SYMPK: variants seen among roughly 807,000 people sequenced by gnomAD.
SYMPK encodes symplekin.
A neutral mutation model predicts 136.4 loss-of-function variants in SYMPK; 49 were observed. The ratio of observed to expected loss-of-function variants is 0.36; its 90% CI spans 0.29 to 0.46. SYMPK has a LOEUF of 0.46. SYMPK is among the 20% of genes least tolerant of loss of function. The pLI is 1.00. For missense variants in SYMPK, 1,365 were observed against 1,690.0 expected, an observed-to-expected ratio of 0.81 and a Z score of 3.37; for synonymous variants, 766 against 713.0, an observed-to-expected ratio of 1.07 and a Z score of -1.19.
intron 9 of SYMPK, among the ~76,000 whole-genome samples, chr19:45,840,762 G>T (rs1024341990): frequency 5.3e-5 from 8 of 151,686 alleles, no homozygotes; most frequent in African/African-American, 1.9e-4. Context: ...AGAATTGCTT[G>T]AACCCGGGAG....
intron 13 of SYMPK, among the ~76,000 whole-genome samples, chr19:45,829,666 T>A (rs528407490): frequency 6.4e-4 from 98 of 152,232 alleles, no homozygotes; most frequent in African/African-American, 2.3e-3. Flanking sequence ...CCCCATTCTT[T>A]GAAGGTAACA....
rs1971626955 is a variant in SYMPK, at chr19:45,848,825, G to A, written c.351C>T (p.Leu117=). The change falls in exon 6 of 27, where the codon CTC becomes CTT. Residue 117 remains leucine, a synonymous_variant. Coordinates refer to ENST00000245934, the MANE Select transcript of SYMPK (RefSeq NM_004819.3). ...CCACGTTCACATTCTCGTCCCTCAA[G>A]AGCATGTTGAGGTTTGCAATGAGTT... ...LLKLIANLNM[L]LRDENVNVVK... 3 of 1,614,032 alleles carry A rather than the reference G, an allele frequency of 1.9e-6. No homozygotes were observed. The highest frequency in any genetic ancestry group is 2.5e-6 in the Non-Finnish European group (3 of 1,179,996).
At chr19:45,824,952 C>CCAGGTCTAT (rs1971003258) in intron 18 of SYMPK, among the ~76,000 whole-genome samples, 1 of 152,212 alleles carries the variant, frequency 6.6e-6, no homozygotes, top group Non-Finnish European at 1.5e-5. Flanking sequence ...GAACGCGAAC[C>CCAGGTCTAT]CAGGTCTATC....
chr19:45,817,254 A>C (rs976195290), intron 23 of SYMPK: 4 of 426,218 alleles, frequency 9.4e-6, no homozygotes, highest in Non-Finnish European at 1.7e-5. Flanking sequence ...CTGCGGGAGC[A>C]CCTCTCATGA....
At chr19:45,854,279 A>G (rs1195807329) in intron 2 of SYMPK, 39 bp from the exon 3 acceptor site, 1 of 1,610,352 alleles carries the variant, frequency 6.2e-7, no homozygotes, top group Non-Finnish European at 8.5e-7. Context: ...GTGCCAGCCC[A>G]GTCCAGCCCA....
intron 20 of SYMPK, 86 bp downstream of exon 20, chr19:45,823,286 A>T (rs1970952558): frequency 7.3e-7 from 1 of 1,375,820 alleles, no homozygotes; most frequent in Admixed American, 1.7e-5. Flanking sequence ...CTCTGGCTCA[A>T]CTGCTGCTGA....
intron 16 of SYMPK, among the ~76,000 whole-genome samples, chr19:45,826,769 C>T (rs1971052125): frequency 6.6e-6 from 1 of 152,162 alleles, no homozygotes; most frequent in African/African-American, 2.4e-5. Context: ...TGGTCCTGGG[C>T]ACTCTGACCC....
intron 22 of SYMPK, chr19:45,819,108 G>C (rs1970826311): frequency 6.6e-6 from 1 of 152,124 alleles, no homozygotes; most frequent in Non-Finnish European, 1.5e-5. Context: ...GTCAGGGCCA[G>C]GTGGTCACTG....
intron 23 of SYMPK, chr19:45,817,242 T>A: frequency 2.2e-6 from 1 of 461,000 alleles, no homozygotes; most frequent in Non-Finnish European, 3.8e-6. Flanking sequence ...CCAGGCTAAG[T>A]GCTGCGGGAG....
chr19:45,830,949 T>C (rs1971154750), intron 12 of SYMPK: 1 of 135,688 alleles, frequency 7.4e-6, no homozygotes, highest in South Asian at 2.3e-4. Context: ...CTGGCTGGAT[T>C]TTGTGGTGTG....
At chr19:45,831,657 T>C (rs1971178353) in intron 11 of SYMPK, 69 bp from the exon 12 acceptor site, 6 of 1,361,026 alleles carry the variant, frequency 4.4e-6, no homozygotes, top group Non-Finnish European at 6.0e-6. Context: ...GGACCTCCTG[T>C]GTGCCTGGCT....
chr19:45,842,116 G>A, intron 9 of SYMPK, 134 bp downstream of exon 9: 2 of 1,407,288 alleles, frequency 1.4e-6, no homozygotes, highest in Non-Finnish European at 1.9e-6. Flanking sequence ...GAATACAGGT[G>A]TGAGCCACTG....
chr19:45,821,199 AG>A lies in SYMPK; in HGVS notation c.2893+184del. On this transcript the variant is annotated intron_variant, in intron 22 of 26. Transcript: ENST00000245934. This position sits in a 1 kb window ranked among gnomAD's most constrained non-coding sequence, Gnocchi z 4.4. ...GGGAGGAAGGAAGGAGGAGGGAGGG[AG>A]GGAGGGAGGGAAGAGGAGGCAAGAA... 7.3e-6 allele frequency: 2 copies of A among 275,038 alleles called. No homozygotes were observed. Among genetic ancestry groups the A allele is most frequent in the Non-Finnish European group, 6.7e-6 (1 of 149,278 alleles). 17.0% of individuals were successfully genotyped at this position (275,038 alleles called of 1,614,324 possible). A position where few individuals can be genotyped will look rare whatever the true frequency, so the allele number is the denominator to read the frequency against.
intron 9 of SYMPK, 36 bp from the exon 10 acceptor site, chr19:45,838,651 G>A: frequency 6.3e-7 from 1 of 1,594,560 alleles, no homozygotes; most frequent in Non-Finnish European, 8.6e-7. Context: ...GCTGGCTATA[G>A]AGAGAGCTGC....
At chr19:45,845,401 A>G (rs1178656882) in intron 7 of SYMPK, among the ~76,000 whole-genome samples, 3 of 152,098 alleles carry the variant, frequency 2.0e-5, no homozygotes, top group Non-Finnish European at 4.4e-5. Flanking sequence ...GTCTGTCTCC[A>G]TGAGTTCAAT....
chr19:45,815,979 C>T lies in SYMPK; in HGVS notation c.3559G>A (p.Glu1187Lys). The part of the protein sequence containing the change: ...SARPGPPPSE[E>K]AMDFREEGPE... ...CCCTCCTCCCGGAAATCCATGGCTTCCTCAGACGGGGGCGGGCCTGGCCGG... is the reference window on the plus strand; with the variant it reads ...CCCTCCTCCCGGAAATCCATGGCTTTCTCAGACGGGGGCGGGCCTGGCCGG... The change falls in exon 26 of 27, where the codon GAA becomes AAA. Residue 1187 changes from glutamate to lysine, a missense_variant. Glu to Lys is a moderately conservative substitution (Grantham distance 56). Around this residue, in one of 11 missense-constraint regions of SYMPK, gnomAD observed 341 missense variants for 270.5 expected, o/e 1.26. Coordinates refer to ENST00000245934, the MANE Select transcript of SYMPK (RefSeq NM_004819.3). 1.2e-6 allele frequency: 2 copies of T among 1,609,636 alleles called. No individual in the cohort carries two copies. The highest frequency in any genetic ancestry group is 1.7e-4 in the Middle Eastern group (1 of 6,054).
Position 45,816,499 on chromosome 19 carries a change from C to T in SYMPK, c.3337G>A (p.Ala1113Thr). The T allele has an allele frequency of 6.2e-7, 1 of 1,613,048 alleles. No homozygotes were observed. The highest frequency in any genetic ancestry group is 1.7e-5 in the Admixed American group (1 of 59,986). ...KQEPEAKEAP[A>T]GPLEEDDLEP... ...GCCCTCACCTCCTCCAAGGGCCCCGCAGGCGCCTCCTTGGCCTCTGGCTCC... is the reference window on the plus strand; with the variant it reads ...GCCCTCACCTCCTCCAAGGGCCCCGTAGGCGCCTCCTTGGCCTCTGGCTCC... Residue 1113 changes from alanine to threonine, a missense_variant, in exon 25 of 27, where the codon GCG becomes ACG. Physicochemically the swap from Ala to Thr is moderately conservative, Grantham distance 58. Coordinates refer to ENST00000245934, the MANE Select transcript of SYMPK (RefSeq NM_004819.3).
chr19:45,819,549 C>G (rs965454433), intron 22 of SYMPK: 3 of 152,366 alleles, frequency 2.0e-5, no homozygotes, highest in African/African-American at 7.2e-5. Context: ...GTCCCACACC[C>G]AGGCTGGGTT....
chr19:45,831,385 G>A lies in SYMPK; in HGVS notation c.1597C>T (p.Arg533Trp), dbSNP rs1463665278. The change falls in exon 12 of 27, where the codon CGG becomes TGG. Residue 533 changes from arginine (R) to tryptophan (W), a missense_variant and splice_region_variant. Coordinates refer to ENST00000245934, the MANE Select transcript of SYMPK (RefSeq NM_004819.3). The stretch of plus-strand genomic sequence containing the variant: ...CCTAGCACCCAGAAGAGGACTCACC[G>A]GGGCTGAGTGACAGGGATAATGGGC... ...PEPIIPVTQP[R>W]LAGAGGRKKI... The A allele has an allele frequency of 6.4e-6, 10 of 1,556,874 alleles. No homozygotes were observed. The highest frequency in any genetic ancestry group is 8.7e-6 in the Non-Finnish European group (10 of 1,149,646).
Sources: gnomAD v4.1 joint callset for allele counts (sites outside exome capture counted in the v4.1 genomes callset) on GRCh38, gnomAD v4.1.1 for gene constraint, gnomAD v4.1.1 regional missense constraint, Gnocchi (gnomAD v3.1) non-coding constraint, MANE v1.5 for transcripts, NCBI Gene and HGNC (gene_info 2026-07-23, HGNC 2026-07-21) for gene names.